Variants in ACCSL observed in about 807,000 individuals in gnomAD.
ACCSL encodes 1-aminocyclopropane-1-carboxylate synthase homolog (inactive) like.
ACCSL carries 55 observed loss-of-function variants against 61.7 expected under a neutral mutation model. That is an observed-to-expected ratio of 0.89 (90% CI 0.72 to 1.12). The LOEUF (loss-of-function observed/expected upper bound fraction) is 1.12. ACCSL is among the 50% of genes most tolerant of loss of function. The probability of loss-of-function intolerance (pLI) is 0.00; values close to 1 mark genes in which losing one functional copy is unlikely to be tolerated. For missense variants in ACCSL, 632 were observed against 698.0 expected (o/e 0.91, Z 1.07); for synonymous variants, 258 against 264.3 (o/e 0.98, Z 0.23).
At chr11:43,985,247 G>C in the ACCSL span, among the ~76,000 whole-genome samples, 17 of 152,312 alleles carry the variant, frequency 1.1e-4, no homozygotes, top group Admixed American at 5.2e-4. Context: ...GGAAGGCAAA[G>C]TGTTTTGAGA....
chr11:43,943,656 C>T, the ACCSL span: 2 of 1,305,152 alleles, frequency 1.5e-6, no homozygotes, highest in African/African-American at 3.0e-5. This position sits in a 1 kb window ranked among gnomAD's most constrained non-coding sequence, Gnocchi z 4.8. Flanking sequence ...TGCCCCCCAG[C>T]GCACACCCAT....
chr11:43,961,415 T>C, the ACCSL span, among the ~76,000 whole-genome samples: 1 of 152,278 alleles, frequency 6.6e-6, no homozygotes, highest in African/African-American at 2.4e-5. Context: ...TTCTTATCGA[T>C]TGATGGGCCC....
chr11:43,938,021 T>A, the ACCSL span, among the ~76,000 whole-genome samples: 1 of 152,122 alleles, frequency 6.6e-6, no homozygotes, highest in Non-Finnish European at 1.5e-5. Flanking sequence ...TTCTTCTTAA[T>A]CGAGTGAGGC....
At chr11:44,006,018 C>T in the ACCSL span, among the ~76,000 whole-genome samples, 20 of 152,314 alleles carry the variant, frequency 1.3e-4, no homozygotes, top group East Asian at 3.9e-3. Flanking sequence ...TTTCTGTGGC[C>T]TAGGCTCAAG....
the ACCSL span, among the ~76,000 whole-genome samples, chr11:44,022,662 C>A: frequency 6.6e-6 from 1 of 152,132 alleles, no homozygotes; most frequent in African/African-American, 2.4e-5. Flanking sequence ...GATGTTAACA[C>A]AATCTTGCGC....
At chr11:44,033,981 G>A in the ACCSL span, among the ~76,000 whole-genome samples, 3 of 152,214 alleles carry the variant, frequency 2.0e-5, no homozygotes, top group South Asian at 6.2e-4. Context: ...ATGGGGGTGG[G>A]GGCAGTGGGT....
At chr11:43,960,533 C>T in the ACCSL span, among the ~76,000 whole-genome samples, 1 of 151,678 alleles carries the variant, frequency 6.6e-6, no homozygotes, top group Admixed American at 6.6e-5. Flanking sequence ...TACAGGCGTG[C>T]ACTACCATGC....
the ACCSL span, among the ~76,000 whole-genome samples, chr11:43,976,736 C>T: frequency 1.3e-5 from 2 of 152,164 alleles, no homozygotes; most frequent in Admixed American, 1.3e-4. Flanking sequence ...GGGTGCCCTT[C>T]ATTCCTGCTC....
At chr11:44,028,152 T>G in the ACCSL span, among the ~76,000 whole-genome samples, 1 of 151,798 alleles carries the variant, frequency 6.6e-6, no homozygotes, top group Non-Finnish European at 1.5e-5. Flanking sequence ...GGTGACAGAG[T>G]GAGACCCTAT....
At chr11:44,031,448 T>G in the ACCSL span, among the ~76,000 whole-genome samples, 8 of 152,216 alleles carry the variant, frequency 5.3e-5, no homozygotes, top group Middle Eastern at 3.4e-3. Context: ...AGGAAAAGTG[T>G]CTCGAGGAAA....
At chr11:44,026,984 T>C in the ACCSL span, among the ~76,000 whole-genome samples, 3 of 152,192 alleles carry the variant, frequency 2.0e-5, no homozygotes, top group African/African-American at 7.2e-5. Flanking sequence ...CGCCTTGGCC[T>C]CCCAAAGTGC....
the ACCSL span, among the ~76,000 whole-genome samples, chr11:44,015,265 C>G: frequency 3.9e-5 from 6 of 152,328 alleles, no homozygotes; most frequent in East Asian, 9.6e-4. Flanking sequence ...GACAATAAAT[C>G]TACTAATAAG....
At chr11:43,927,920 A>G in the ACCSL span, among the ~76,000 whole-genome samples, 1 of 152,260 alleles carries the variant, frequency 6.6e-6, no homozygotes, top group Non-Finnish European at 1.5e-5. Context: ...TGGTGGTATT[A>G]TACTGTGTGT....
At chr11:43,992,032 T>C in the ACCSL span, among the ~76,000 whole-genome samples, 4 of 148,404 alleles carry the variant, frequency 2.7e-5, no homozygotes, top group Non-Finnish European at 5.9e-5. Context: ...TTTTCCTTTT[T>C]CTTTTCTTTC....
At chr11:43,955,704 A>G in the ACCSL span, among the ~76,000 whole-genome samples, 1 of 152,198 alleles carries the variant, frequency 6.6e-6, no homozygotes, top group African/African-American at 2.4e-5. Context: ...CAAAAGGCCA[A>G]TCTTTGGTTT....
At chr11:43,938,606 C>G in the ACCSL span, among the ~76,000 whole-genome samples, 1 of 152,006 alleles carries the variant, frequency 6.6e-6, no homozygotes, top group Non-Finnish European at 1.5e-5. Flanking sequence ...GAGTTTGAGA[C>G]CAGCCTGGCC....
the ACCSL span, among the ~76,000 whole-genome samples, chr11:43,928,532 G>A: frequency 1.3e-5 from 2 of 152,184 alleles, no homozygotes; most frequent in Admixed American, 6.5e-5. Flanking sequence ...AGTCTGTGCT[G>A]CAGGCCCGGT....
intron 1 of ACCSL, 60 bp downstream of exon 1, chr11:44,048,600 C>T: frequency 6.7e-7 from 1 of 1,486,792 alleles, no homozygotes; most frequent in Non-Finnish European, 9.1e-7. Context: ...CTTGGATTTA[C>T]TGAGTCCTGG....
the ACCSL span, among the ~76,000 whole-genome samples, chr11:43,965,617 T>C: frequency 2.0e-5 from 3 of 152,204 alleles, no homozygotes; most frequent in Admixed American, 1.3e-4. Context: ...GCTGATCCTA[T>C]AATTCATGTA....
Sources: gnomAD v4.1 joint callset for allele counts (sites outside exome capture counted in the v4.1 genomes callset) on GRCh38, gnomAD v4.1.1 for gene constraint, Gnocchi (gnomAD v3.1) non-coding constraint, MANE v1.5 for transcripts, NCBI Gene and HGNC (gene_info 2026-07-23, HGNC 2026-07-21) for gene names.